SERP2: variants seen among roughly 807,000 people sequenced by gnomAD.
The protein encoded by SERP2 is stress associated endoplasmic reticulum protein family member 2.
A neutral mutation model predicts 9.1 loss-of-function variants in SERP2; 6 were observed. That is an observed-to-expected ratio of 0.66 (90% confidence interval 0.36 to 1.30). The LOEUF (loss-of-function observed/expected upper bound fraction) is 1.30. Ranked by LOEUF, SERP2 falls within the 50% of genes most tolerant of loss-of-function variation. The pLI is 0.03. For missense variants in SERP2, 58 were observed against 81.9 expected (o/e 0.71, Z 1.13); for synonymous variants, 37 against 27.3 (o/e 1.35, Z -1.10).
chr13:44,381,989 A>AGGATGGATGGATGGAT (rs57960396), intron 2 of SERP2, among the ~76,000 whole-genome samples: 8 of 147,592 alleles, frequency 5.4e-5, no homozygotes, highest in South Asian at 2.2e-4. Context: ...GTTAGTGCTT[A>AGGATGGATGGATGGAT]GGATGGATGG....
Position 44,373,895 on chromosome 13 carries a change from C to A in SERP2, c.-131C>A, listed in dbSNP as rs1871455014. The A allele has an allele frequency of 1.3e-6, 1 of 752,496 alleles. No homozygotes were observed. 46.6% of individuals were successfully genotyped at this position (752,496 alleles called of 1,614,324 possible). A position where few individuals can be genotyped will look rare whatever the true frequency, so the allele number is the denominator to read the frequency against. On this transcript the variant is annotated 5_prime_UTR_variant, in exon 1 of 3. Transcript: ENST00000379179. This position sits in a 1 kb window ranked among gnomAD's most constrained non-coding sequence, Gnocchi z 4.8. Reference sequence around the variant, plus strand: ...CTCGGGGAGCGGGGTGCGCAGGGCTCGGGGCCACGCCTTGCCACCTGCAGC... The same window carrying A: ...CTCGGGGAGCGGGGTGCGCAGGGCTAGGGGCCACGCCTTGCCACCTGCAGC...
rs191937122 is a variant in SERP2, at chr13:44,382,759, A to C, written c.157+3046A>C. 1.4e-4 allele frequency among the ~76,000 whole-genome samples: 21 copies of C among 152,302 alleles called. No individual in the cohort carries two copies. The East Asian group carries it at 3.9e-3, about 28-fold the overall frequency. On this transcript the variant is annotated intron_variant, in intron 2 of 2. Coordinates refer to ENST00000379179, the MANE Select transcript of SERP2 (RefSeq NM_001010897.3). ...CCTCTAAGCAAAACTCATTCAAGCA[A>C]TCATCATGTCTTGAGGGTCCCCTCT... is the stretch of plus-strand genomic sequence containing the variant.
chr13:44,397,328 G>C lies in SERP2; in HGVS notation c.*16G>C, dbSNP rs1159592729. On this transcript the variant is annotated 3_prime_UTR_variant, in exon 3 of 3. Transcript: ENST00000379179. ...GGGCATGTGAGAAAGCCAGGGATTT[G>C]ACACCACCTCCCTCCCACTGGAGGC... 6.2e-7 allele frequency: 1 copy of C among 1,602,166 alleles called. No homozygotes were observed. The highest frequency in any genetic ancestry group is 8.6e-7 in the Non-Finnish European group (1 of 1,169,468).
intron 2 of SERP2, among the ~76,000 whole-genome samples, chr13:44,380,018 C>T (rs78994840): frequency 0.011 from 1,697 of 152,266 alleles, 40 homozygotes; most frequent in African/African-American, 0.038. Flanking sequence ...GGCATTAGAA[C>T]AGAAGGTGAA....
chr13:44,393,945 T>C (rs539927331), intron 2 of SERP2, among the ~76,000 whole-genome samples: 1 of 152,340 alleles, frequency 6.6e-6, no homozygotes, highest in African/African-American at 2.4e-5. Context: ...TTCAAAGTAG[T>C]GTCTCCAAGA....
intron 2 of SERP2, among the ~76,000 whole-genome samples, chr13:44,393,918 TA>T (rs937317152): frequency 2.6e-5 from 4 of 152,156 alleles, no homozygotes; most frequent in African/African-American, 9.7e-5. Context: ...ATGGTGAACT[TA>T]AAAAAATAGA....
intron 2 of SERP2, among the ~76,000 whole-genome samples, chr13:44,392,475 G>A (rs952358288): frequency 3.9e-5 from 6 of 152,064 alleles, no homozygotes; most frequent in Admixed American, 6.6e-5. Context: ...AGCAAGAGTC[G>A]AGCACTGGGA....
At chr13:44,382,908 A>C (rs1198687046) in intron 2 of SERP2, among the ~76,000 whole-genome samples, 4 of 152,226 alleles carry the variant, frequency 2.6e-5, no homozygotes, top group Admixed American at 1.3e-4. Context: ...TAGTGACAGC[A>C]GAGTTTACAG....
intron 2 of SERP2, among the ~76,000 whole-genome samples, chr13:44,394,146 TA>T (rs1440482193): frequency 3.3e-5 from 5 of 152,286 alleles, no homozygotes; most frequent in Admixed American, 6.5e-5. Context: ...TTTATTTATT[TA>T]TTTTTTTTGA....
upstream of SERP2, chr13:44,373,654 G>C (rs915073488): frequency 4.7e-6 from 1 of 212,662 alleles, no homozygotes; most frequent in African/African-American, 2.3e-5. This position sits in a 1 kb window ranked among gnomAD's most constrained non-coding sequence, Gnocchi z 4.8. Flanking sequence ...CGCAGCATTC[G>C]GCTACAGGAC....
At chr13:44,374,481 C>A (rs577092314) in intron 1 of SERP2, among the ~76,000 whole-genome samples, 1 of 152,352 alleles carries the variant, frequency 6.6e-6, no homozygotes, top group East Asian at 1.9e-4. Context: ...GTTAAGTCAA[C>A]TGCATGACAC....
intron 2 of SERP2, among the ~76,000 whole-genome samples, chr13:44,394,865 T>A (rs778933798): frequency 5.3e-5 from 8 of 152,116 alleles, no homozygotes; most frequent in Non-Finnish European, 1.2e-4. Context: ...AGGCAGTGAG[T>A]CCTCCATGTG....
At position 44,376,770 on chromosome 13, in the gene SERP2, G is replaced by A. The variant is rs113762977; in HGVS notation, c.84+2661G>A. Among the ~76,000 whole-genome samples the A allele has an allele frequency of 4.5e-3, 680 of 151,018 alleles. 18 individuals carry two copies. The East Asian group carries it at 0.055, about 12-fold the overall frequency. ...AGTCTGGGTGACAGAGCAAGACTCC[G>A]TCTAAAAAAAAAAAGGAAACAGAGA... On this transcript the variant is annotated intron_variant, in intron 1 of 2. Transcript: ENST00000379179.
At chr13:44,396,940 C>T (rs922985841) in intron 2 of SERP2, among the ~76,000 whole-genome samples, 12 of 152,244 alleles carry the variant, frequency 7.9e-5, no homozygotes, top group African/African-American at 2.7e-4. Flanking sequence ...CACGAAAGCC[C>T]ATATCCCTCT....
chr13:44,388,507 CCT>C (rs1250807704), intron 2 of SERP2, among the ~76,000 whole-genome samples: 1 of 152,164 alleles, frequency 6.6e-6, no homozygotes, highest in East Asian at 1.9e-4. Context: ...CCAGGGCTGG[CCT>C]CTGTTATTGC....
intron 2 of SERP2, among the ~76,000 whole-genome samples, chr13:44,388,222 G>T (rs1244290685): frequency 2.0e-5 from 3 of 151,876 alleles, no homozygotes; most frequent in Admixed American, 2.0e-4. Context: ...TTGAAGTGAA[G>T]TCTGTGTATG....
chr13:44,397,436 T>G lies in SERP2; in HGVS notation c.*124T>G. 2 of 727,942 alleles carry G rather than the reference T, an allele frequency of 2.7e-6. No individual in the cohort carries two copies. Among genetic ancestry groups the G allele is most frequent in the Admixed American group, 2.1e-5 (1 of 47,414 alleles). 45.1% of individuals were successfully genotyped at this position (727,942 alleles called of 1,614,324 possible). ...ATAGAAAAAAACGCTCCCCCACTTGTTCCCTGATCACTTCATCGTGGATGT... is the reference window on the plus strand; with the variant it reads ...ATAGAAAAAAACGCTCCCCCACTTGGTCCCTGATCACTTCATCGTGGATGT... On this transcript the variant is annotated 3_prime_UTR_variant, in exon 3 of 3. Transcript: ENST00000379179.
At position 44,374,088 on chromosome 13, in the gene SERP2, G is replaced by A. The variant is rs1346714835; in HGVS notation, c.63G>A (p.Arg21=). Residue 21 remains arginine (R), a synonymous_variant, in exon 1 of 3, where the codon AGG becomes AGA. Coordinates refer to ENST00000379179, the MANE Select transcript of SERP2 (RefSeq NM_001010897.3). ...NEKHSKNITQ[R]GNVAKTLRPQ... ...AGCACAGCAAAAACATCACCCAGAGGGGGAACGTAGCCAAAACCCTGGTAA... is the reference window on the plus strand; with the variant it reads ...AGCACAGCAAAAACATCACCCAGAGAGGGAACGTAGCCAAAACCCTGGTAA... 15 of 1,581,378 alleles carry A rather than the reference G, an allele frequency of 9.5e-6. No homozygotes were observed. Among genetic ancestry groups the A allele is most frequent in the East Asian group, 5.0e-5 (2 of 40,028 alleles).
intron 1 of SERP2, among the ~76,000 whole-genome samples, chr13:44,375,635 GCTAA>G (rs1871607195): frequency 6.6e-6 from 1 of 152,190 alleles, no homozygotes; most frequent in Admixed American, 6.5e-5. Context: ...GATCAGACCT[GCTAA>G]CTGACACAGT....
Sources: allele counts gnomAD v4.1 joint callset (sites outside exome capture counted in the v4.1 genomes callset), GRCh38; gene constraint gnomAD v4.1.1; non-coding constraint Gnocchi (gnomAD v3.1); transcripts MANE v1.5; gene names NCBI Gene and HGNC (gene_info 2026-07-23, HGNC 2026-07-21).